The following PHACTR2 variants were observed in gnomAD, a reference collection of about 807,000 sequenced individuals.
PHACTR2 encodes phosphatase and actin regulator 2, also known as chromosome 6 open reading frame 56.
In PHACTR2, 30 loss-of-function variants were observed where a neutral mutation model predicts 76.0. That is an observed-to-expected ratio of 0.39 (90% CI 0.30 to 0.54). The LOEUF is 0.54. Among genes scored for constraint, PHACTR2 ranks in the 20% least tolerant of loss-of-function variants. The pLI, the probability that PHACTR2 is intolerant of heterozygous loss-of-function variation, is 0.61. For synonymous variants in PHACTR2, 292 were observed against 292.5 expected (o/e 1.00, Z 0.02); for missense variants, 696 against 781.1 (o/e 0.89, Z 1.30).
Position 143,617,466 on chromosome 6 carries a change from A to G in PHACTR2, c.13+9144A>G, listed in dbSNP as rs1241002660. 6.6e-6 allele frequency among the ~76,000 whole-genome samples: 1 copy of G among 152,160 alleles called. No individual in the cohort carries two copies. Among genetic ancestry groups the G allele is most frequent in the Non-Finnish European group, 1.5e-5 (1 of 68,026 alleles). On this transcript the variant is annotated intron_variant, in intron 1 of 11. Transcript: ENST00000305766. The surrounding 1 kb of genome is among the most constrained non-coding windows in gnomAD (Gnocchi z 4.8). ...TCCCCTGGAAATCTTTTAAATACCC[A>G]TCTCTGTGCCCCACCCTAGACAAAT...
rs1192899209 is a variant in PHACTR2 at position 143,754,504 on chromosome 6, A to C, written c.454+592A>C. Among the ~76,000 whole-genome samples the C allele has an allele frequency of 6.6e-6, 1 of 152,192 alleles. No homozygotes were observed. Among genetic ancestry groups the C allele is most frequent in the Admixed American group, 6.5e-5 (1 of 15,278 alleles). ...GCCTCTGTGCAATTGGAAACTTCAA[A>C]ATGTGCCAGAGGCGATTATGCTATT... is the stretch of plus-strand genomic sequence containing the variant. On this transcript the variant is annotated intron_variant, in intron 4 of 12. Transcript: ENST00000440869. The surrounding 1 kb of genome is among the most constrained non-coding windows in gnomAD (Gnocchi z 6.2).
rs574508891 is a variant in PHACTR2, at chr6:143,814,542, C to A, written c.1922+7409C>A. On this transcript the variant is annotated intron_variant, in intron 12 of 12. Coordinates refer to ENST00000440869, the MANE Select transcript of PHACTR2 (RefSeq NM_001100164.2). ...ATAAGTGGACTCATGCAGTTCAAAC[C>A]CATGTTATTCAGAGGTCAACTGTAT... Among the ~76,000 whole-genome samples the A allele has an allele frequency of 8.2e-5, 12 of 146,422 alleles. No homozygotes were observed. The South Asian group carries it at 2.6e-3, about 31-fold the overall frequency.
chr6:143,732,536 G>A (rs1778724234), intron 2 of PHACTR2, among the ~76,000 whole-genome samples: 1 of 151,996 alleles, frequency 6.6e-6, no homozygotes, highest in Admixed American at 6.6e-5. Flanking sequence ...CTGGACGTTG[G>A]GTTTCTTTCT....
chr6:143,595,958 C>T lies in PHACTR2; in HGVS notation c.217+58751C>T, dbSNP rs959016297. Among the ~76,000 whole-genome samples the T allele has an allele frequency of 6.6e-6, 1 of 152,038 alleles. No individual in the cohort carries two copies. The highest frequency in any genetic ancestry group is 2.4e-5 in the African/African-American group (1 of 41,386). On this transcript the variant is annotated intron_variant, in intron 1 of 11. Coordinates refer to the PHACTR2 transcript ENST00000367584. This position sits in a 1 kb window ranked among gnomAD's most constrained non-coding sequence, Gnocchi z 4.2. ...AAAAGTTTGTTCCTTTTTAGTTTTT[C>T]TATGGTTCAAACTATTTCTCGTATA...
chr6:143,634,109 A>C (rs369907350), intron 1 of PHACTR2, among the ~76,000 whole-genome samples: 2 of 152,200 alleles, frequency 1.3e-5, no homozygotes, highest in African/African-American at 4.8e-5. Context: ...GGCCTAGAAA[A>C]TGTTAAGCTC....
chr6:143,572,020 A>G (rs1775451399), intron 1 of PHACTR2, among the ~76,000 whole-genome samples: 1 of 152,154 alleles, frequency 6.6e-6, no homozygotes, highest in African/African-American at 2.4e-5. Context: ...GCCTATTTTG[A>G]TACATATGCT....
chr6:143,726,393 T>A (rs1423117298), intron 2 of PHACTR2, among the ~76,000 whole-genome samples: 1 of 152,238 alleles, frequency 6.6e-6, no homozygotes, highest in Non-Finnish European at 1.5e-5. Context: ...AACTTTTTCA[T>A]CCTGCAGAAC....
rs1470053017 is a variant in PHACTR2, at chr6:143,610,767, G to A, written c.13+2445G>A. ...CTGACATTCCTACTATCTCAGAGAA[G>A]GAGACATCCCTTCCCCATAATTGCT... is the stretch of plus-strand genomic sequence containing the variant. On this transcript the variant is annotated intron_variant, in intron 1 of 11. Coordinates refer to the PHACTR2 transcript ENST00000305766. This position sits in a 1 kb window ranked among gnomAD's most constrained non-coding sequence, Gnocchi z 4.9. Among the ~76,000 whole-genome samples the A allele has an allele frequency of 6.6e-6, 1 of 152,248 alleles. No individual in the cohort carries two copies. The highest frequency in any genetic ancestry group is 2.4e-5 in the African/African-American group (1 of 41,536).
At chr6:143,628,270 G>T (rs1044940086) in intron 1 of PHACTR2, among the ~76,000 whole-genome samples, 15 of 152,150 alleles carry the variant, frequency 9.9e-5, no homozygotes, top group African/African-American at 3.6e-4. Context: ...ACATGCATTT[G>T]TCTGCATTAG....
In PHACTR2 at chr6:143,801,305, TC is replaced by T. The variant is rs1775949464; in HGVS notation, c.1846-5751del. Among the ~76,000 whole-genome samples the T allele has an allele frequency of 6.6e-6, 1 of 152,178 alleles. No individual in the cohort carries two copies. The highest frequency in any genetic ancestry group is 1.5e-5 in the Non-Finnish European group (1 of 68,022). On this transcript the variant is annotated intron_variant, in intron 11 of 12. Transcript: ENST00000440869. The surrounding 1 kb of genome is among the most constrained non-coding windows in gnomAD (Gnocchi z 4.6). ...CCTGAAGAGTGTTTTTCAACTTGGT[TC>T]TATTCTCCCCATCACTTTCAGGTAC...
intron 1 of PHACTR2, among the ~76,000 whole-genome samples, chr6:143,681,402 GA>G (rs1416933750): frequency 1.3e-5 from 2 of 151,710 alleles, no homozygotes; most frequent in Non-Finnish European, 2.9e-5. Flanking sequence ...ATCTTCTTTG[GA>G]AAAAATGTCT....
At chr6:143,728,213 TTTC>T (rs1251538377) in intron 2 of PHACTR2, among the ~76,000 whole-genome samples, 54 of 122,980 alleles carry the variant, frequency 4.4e-4, no homozygotes, top group African/African-American at 1.4e-3. Flanking sequence ...TTTTTTTTTC[TTTC>T]TTTTTTTTTT....
intron 1 of PHACTR2, among the ~76,000 whole-genome samples, chr6:143,586,353 G>A (rs1775629432): frequency 6.6e-6 from 1 of 152,202 alleles, no homozygotes; most frequent in Non-Finnish European, 1.5e-5. Flanking sequence ...CATTTACAGA[G>A]TATCTATGTG....
chr6:143,626,403 G>A (rs1473770912), intron 1 of PHACTR2, among the ~76,000 whole-genome samples: 2 of 152,078 alleles, frequency 1.3e-5, no homozygotes, highest in East Asian at 3.9e-4. Flanking sequence ...CGGGCGCGGT[G>A]GTGGGCGCCT....
intron 1 of PHACTR2, among the ~76,000 whole-genome samples, chr6:143,540,380 G>T (rs1781162066): frequency 6.6e-6 from 1 of 152,092 alleles, no homozygotes; most frequent in South Asian, 2.1e-4. Context: ...CTTGCTACCT[G>T]CAATCATTAC....
Position 143,644,382 on chromosome 6 carries a change from G to A in PHACTR2, c.13+36060G>A, listed in dbSNP as rs936754496. On this transcript the variant is annotated intron_variant, in intron 1 of 11. Coordinates refer to the PHACTR2 transcript ENST00000305766. ...ACTCAGGAGGCTGAGGCAGGAGAAT[G>A]GGGTGAACCCGGGAGGCGGAGCTTG... 2.0e-5 allele frequency among the ~76,000 whole-genome samples: 3 copies of A among 151,580 alleles called. No homozygotes were observed. The East Asian group carries it at 5.8e-4, about 29-fold the overall frequency.
rs1471933876 is a variant in PHACTR2 at position 143,548,227 on chromosome 6, A to ACACTAAT, written c.217+11021_217+11027dup. ...AAGCTCTCTGTGAGCTCCTATAATG[A>ACACTAAT]CACTAATTTCATTCATGAAGGTTCC... On this transcript the variant is annotated intron_variant, in intron 1 of 11. Transcript: ENST00000367584. The surrounding 1 kb of genome is among the most constrained non-coding windows in gnomAD (Gnocchi z 4.5). Among the ~76,000 whole-genome samples, 1 of 152,106 alleles carries ACACTAAT rather than the reference A, an allele frequency of 6.6e-6. No homozygotes were observed. Among genetic ancestry groups the ACACTAAT allele is most frequent in the African/African-American group, 2.4e-5 (1 of 41,402 alleles).
intron 2 of PHACTR2, among the ~76,000 whole-genome samples, chr6:143,719,531 G>A (rs943601718): frequency 6.7e-5 from 10 of 148,950 alleles, no homozygotes; most frequent in East Asian, 2.2e-4. Flanking sequence ...TGTATTTTTA[G>A]TAGAGACAGG....
chr6:143,536,982 C>T lies in PHACTR2; in HGVS notation c.-9C>T, dbSNP rs1020090300. ...CCACCCGGTGCTCCGGCCCCGCCGCCGGGAGCCGATGGCCGAGGCGGGCTG... is the reference window on the plus strand; with the variant it reads ...CCACCCGGTGCTCCGGCCCCGCCGCTGGGAGCCGATGGCCGAGGCGGGCTG... On this transcript the variant is annotated 5_prime_UTR_variant, in exon 1 of 12. Transcript: ENST00000367584. The surrounding 1 kb of genome is among the most constrained non-coding windows in gnomAD (Gnocchi z 5.4). 10 of 156,596 alleles carry T rather than the reference C, an allele frequency of 6.4e-5. No individual in the cohort carries two copies. Among genetic ancestry groups the T allele is most frequent in the African/African-American group, 1.7e-4 (7 of 41,090 alleles). 9.7% of individuals were successfully genotyped at this position (156,596 alleles called of 1,614,324 possible). A position where few individuals can be genotyped will look rare whatever the true frequency, so the allele number is the denominator to read the frequency against.
Sources: allele counts gnomAD v4.1 joint callset (sites outside exome capture counted in the v4.1 genomes callset), GRCh38; gene constraint gnomAD v4.1.1; non-coding constraint Gnocchi (gnomAD v3.1); transcripts MANE v1.5; gene names NCBI Gene and HGNC (gene_info 2026-07-23, HGNC 2026-07-21).